Variants in CTNNA2 observed in about 807,000 individuals in gnomAD.
CTNNA2 encodes catenin alpha 2, also known as catenin alpha-2.
In CTNNA2, 42 loss-of-function variants were observed where a neutral mutation model predicts 101.0. The observed-to-expected ratio is 0.42, with a 90% confidence interval of 0.32 to 0.54. The LOEUF is 0.54. CTNNA2 is among the 20% of genes least tolerant of loss of function. CTNNA2 has a pLI of 0.14. For synonymous variants in CTNNA2, 450 were observed against 456.4 expected, an observed-to-expected ratio of 0.99 and a Z score of 0.18; for missense variants, 871 against 1,223.1, an observed-to-expected ratio of 0.71 and a Z score of 4.29.
intron 2 of CTNNA2, among the ~76,000 whole-genome samples, chr2:79,249,889 T>A (rs1389140066): frequency 6.6e-6 from 1 of 152,172 alleles, no homozygotes; most frequent in East Asian, 1.9e-4. Context: ...TTACTTTGTT[T>A]TTAAAATTGG....
intron 2 of CTNNA2, among the ~76,000 whole-genome samples, chr2:79,720,972 A>G (rs1686444624): frequency 6.6e-6 from 1 of 152,126 alleles, no homozygotes; most frequent in Non-Finnish European, 1.5e-5. Context: ...TGTGTTTTAT[A>G]AAAAGAACAT....
In CTNNA2 at chr2:80,395,655, G is replaced by T. The variant is rs141783682; in HGVS notation, c.1137+2364G>T. Among the ~76,000 whole-genome samples the T allele has an allele frequency of 3.9e-4, 59 of 152,240 alleles. No homozygotes were observed. In the East Asian group the frequency reaches 0.011, roughly 29 times the overall value. On this transcript the variant is annotated intron_variant, in intron 8 of 18. Coordinates refer to ENST00000402739, the MANE Select transcript of CTNNA2 (RefSeq NM_001282597.3). ...AATTAGATTAACAAGGTGTTACCTG[G>T]GTCTCTGATAGCCCCTCCACAATAG...
intron 7 of CTNNA2, among the ~76,000 whole-genome samples, chr2:80,217,719 T>A (rs1256020964): frequency 2.0e-5 from 3 of 152,218 alleles, no homozygotes; most frequent in Admixed American, 1.3e-4. Context: ...TTGTTGTTGA[T>A]CATTTGTTTT....
At chr2:80,152,896 C>T (rs1703792885) in intron 7 of CTNNA2, among the ~76,000 whole-genome samples, 1 of 152,164 alleles carries the variant, frequency 6.6e-6, no homozygotes, top group Non-Finnish European at 1.5e-5. Flanking sequence ...CCCAAAATAA[C>T]TGGATTTACC....
intron 13 of CTNNA2, chr2:80,575,266 AAAATATTCTAGTAAACACACTAC>A (rs1439255886): frequency 1.3e-5 from 2 of 152,200 alleles, no homozygotes; most frequent in East Asian, 3.8e-4. Flanking sequence ...CTTGTAACTT[AAAATATTCTAGTAAACACACTAC>A]AAAAGCAAAA....
intron 2 of CTNNA2, among the ~76,000 whole-genome samples, chr2:79,703,492 G>A (rs1009590415): frequency 6.6e-6 from 1 of 152,150 alleles, no homozygotes; most frequent in Non-Finnish European, 1.5e-5. Flanking sequence ...CATAGATAGA[G>A]AGAAAGTTAA....
intron 7 of CTNNA2, among the ~76,000 whole-genome samples, chr2:80,005,458 A>G (rs1178088636): frequency 1.3e-5 from 2 of 152,184 alleles, no homozygotes; most frequent in Non-Finnish European, 2.9e-5. Context: ...CTTAAGGGGA[A>G]AAAAACTTTT....
At chr2:80,410,250 A>T (rs2149392866) in intron 8 of CTNNA2, among the ~76,000 whole-genome samples, 1 of 152,312 alleles carries the variant, frequency 6.6e-6, no homozygotes, top group African/African-American at 2.4e-5. Flanking sequence ...TTTCTTTTTG[A>T]GTTAGTGAGT....
chr2:79,739,056 T>A (rs941742132), intron 2 of CTNNA2, among the ~76,000 whole-genome samples: 1 of 151,894 alleles, frequency 6.6e-6, no homozygotes, highest in Non-Finnish European at 1.5e-5. Flanking sequence ...CAGTTTTTGT[T>A]GCAGGGACTT....
chr2:79,442,311 C>T (rs1365439565), intron 4 of CTNNA2, among the ~76,000 whole-genome samples: 1 of 152,066 alleles, frequency 6.6e-6, no homozygotes, highest in East Asian at 1.9e-4. Flanking sequence ...TCATTAAGTA[C>T]TTAAAGTATG....
chr2:80,218,534 A>G (rs1185591835), intron 7 of CTNNA2, among the ~76,000 whole-genome samples: 2 of 152,266 alleles, frequency 1.3e-5, no homozygotes, highest in African/African-American at 4.8e-5. Context: ...GGGCTCTGGA[A>G]TCAGAGGAGA....
rs184801503 is a variant in CTNNA2, at chr2:79,501,260, T to A, written c.-134-3794T>A. On this transcript the variant is annotated intron_variant, in intron 4 of 21. Transcript: ENST00000466387. Reference sequence around the variant, plus strand: ...TACCAAATTATCTGTTGTGGCTTTATTCAAAGTTTATTTTTCTGTTTATTT... The same window carrying A: ...TACCAAATTATCTGTTGTGGCTTTAATCAAAGTTTATTTTTCTGTTTATTT... Among the ~76,000 whole-genome samples, 12 of 152,306 alleles carry A rather than the reference T, an allele frequency of 7.9e-5. No individual in the cohort carries two copies. The East Asian group carries it at 2.3e-3, about 29-fold the overall frequency.
chr2:79,644,716 C>T (rs35711319), intron 1 of CTNNA2, among the ~76,000 whole-genome samples: 8,369 of 152,252 alleles, frequency 0.055, 302 homozygotes, highest in Non-Finnish European at 0.073. Context: ...ATGAGCCCCA[C>T]GCATGCATTA....
At chr2:80,027,562 C>T (rs541436450) in intron 7 of CTNNA2, among the ~76,000 whole-genome samples, 55 of 152,244 alleles carry the variant, frequency 3.6e-4, no homozygotes, top group African/African-American at 1.1e-3. Context: ...TTACCAGCTC[C>T]GGCAAGAGAG....
chr2:80,033,501 G>A (rs1286476344), intron 7 of CTNNA2, among the ~76,000 whole-genome samples: 1 of 152,114 alleles, frequency 6.6e-6, no homozygotes, highest in African/African-American at 2.4e-5. Flanking sequence ...ATGAAGCCCA[G>A]GAGGTTGAGG....
At chr2:79,631,144 G>A (rs1268009353) in intron 1 of CTNNA2, among the ~76,000 whole-genome samples, 1 of 152,036 alleles carries the variant, frequency 6.6e-6, no homozygotes, top group South Asian at 2.1e-4. Flanking sequence ...TCTAAGCACA[G>A]TCATTGTAGA....
chr2:80,362,267 C>T (rs1287243353), intron 7 of CTNNA2, among the ~76,000 whole-genome samples: 1 of 152,014 alleles, frequency 6.6e-6, no homozygotes, highest in Admixed American at 6.6e-5. Flanking sequence ...TGGCAAGAGG[C>T]TTATTTAACT....
chr2:79,941,268 TA>T (rs1205296844), intron 7 of CTNNA2, among the ~76,000 whole-genome samples: 1 of 152,264 alleles, frequency 6.6e-6, no homozygotes, highest in Non-Finnish European at 1.5e-5. Flanking sequence ...AATGTGGTCT[TA>T]TACTCATTTA....
At chr2:79,571,083 T>C (rs1258533537) in intron 1 of CTNNA2, among the ~76,000 whole-genome samples, 2 of 152,194 alleles carry the variant, frequency 1.3e-5, no homozygotes, top group African/African-American at 4.8e-5. Flanking sequence ...CCTAGAAAAA[T>C]GTGGTTCACT....
Sources: gnomAD v4.1 joint callset for allele counts (sites outside exome capture counted in the v4.1 genomes callset) on GRCh38, gnomAD v4.1.1 for gene constraint, MANE v1.5 for transcripts, NCBI Gene and HGNC (gene_info 2026-07-23, HGNC 2026-07-21) for gene names.